The following CFAP92 variants were observed in gnomAD, a reference collection of about 807,000 sequenced individuals.
CFAP92 encodes cilia and flagella associated protein 92 (putative), also known as uncharacterized protein CFAP92.
CFAP92 carries 86 observed loss-of-function variants against 106.3 expected under a neutral mutation model. That is an observed-to-expected ratio of 0.81 (90% CI 0.68 to 0.97). The LOEUF (loss-of-function observed/expected upper bound fraction) is 0.97, where lower values mean the gene tolerates loss of function less well. CFAP92 is among the 50% of genes least tolerant of loss of function. CFAP92 has a pLI of 0.00. For missense variants in CFAP92, 1,204 were observed against 1,283.8 expected (o/e 0.94, Z 0.95); for synonymous variants, 477 against 506.4 (o/e 0.94, Z 0.78).
intron 1 of CFAP92, among the ~76,000 whole-genome samples, chr3:128,999,821 G>T (rs1944637523): frequency 6.6e-6 from 1 of 152,122 alleles, no homozygotes. Context: ...GGGATTACAG[G>T]CGTGAGCCAC....
In CFAP92 at chr3:128,993,280, C is replaced by G. The variant is rs759566229; in HGVS notation, c.25G>C (p.Glu9Gln). The change falls in exon 2 of 16, where the codon GAA becomes CAA. Residue 9 changes from glutamate (E) to glutamine (Q), a missense_variant. Glu to Gln is a conservative substitution (Grantham distance 29). Transcript: ENST00000645291. The part of the protein sequence containing the change: MSLHAWEW[E>Q]EDPASIEPIS... ...GGCTCTATGCTTGCGGGGTCCTCTT[C>G]CCACTCCCAGGCATGTAGCGACATG... 2 of 1,613,700 alleles carry G rather than the reference C, an allele frequency of 1.2e-6. No homozygotes were observed. Among genetic ancestry groups the G allele is most frequent in the Non-Finnish European group, 1.7e-6 (2 of 1,179,828 alleles).
intron 12 of CFAP92, among the ~76,000 whole-genome samples, chr3:128,921,097 G>A (rs940665828): frequency 4.6e-5 from 7 of 152,208 alleles, no homozygotes; most frequent in Middle Eastern, 3.4e-3. Context: ...TACTAGTGTT[G>A]GCCCCCTGGT....
At position 128,945,820 on chromosome 3, in the gene CFAP92, C is replaced by T; in HGVS notation, c.1509G>A (p.Glu503=). 1 of 1,520,800 alleles carries T rather than the reference C, an allele frequency of 6.6e-7. No individual in the cohort carries two copies. Among genetic ancestry groups the T allele is most frequent in the Non-Finnish European group, 8.8e-7 (1 of 1,139,974 alleles). 94.2% of individuals were successfully genotyped at this position (1,520,800 alleles called of 1,614,324 possible). The stretch of plus-strand genomic sequence containing the variant: ...GAACTTCCACCACCATGGGGGGGCC[C>T]TCCAGGTATTCCCTTAGGTCACTGG... ...LHPSDLREYL[E]GPPMVVEVHD... is the part of the protein sequence containing the mutation. Residue 503 remains glutamate (E), a synonymous_variant, in exon 10 of 16, where the codon GAG becomes GAA. Transcript: ENST00000645291.
the CFAP92 span, among the ~76,000 whole-genome samples, chr3:129,019,682 A>G: frequency 6.6e-6 from 1 of 152,136 alleles, no homozygotes; most frequent in Admixed American, 6.6e-5. Flanking sequence ...GCTGTGAGCC[A>G]CAGGTAGCTA....
Position 128,950,344 on chromosome 3 carries a change from C to T in CFAP92, c.1354-4369G>A, listed in dbSNP as rs544972859. On this transcript the variant is annotated intron_variant, in intron 9 of 15. Coordinates refer to ENST00000645291, the MANE Select transcript of CFAP92 (RefSeq NM_001394090.1). ...AGAAGCCCACCGTGCACCCAAAGCT[C>T]GCCTTTTAGGTCTGTGCTCTCTCAG... 1.1e-3 allele frequency among the ~76,000 whole-genome samples: 160 copies of T among 152,322 alleles called. 1 individual carries two copies. The highest frequency in any genetic ancestry group is 3.8e-3 in the African/African-American group (157 of 41,576).
At chr3:128,925,947 A>T (rs954888527) in intron 12 of CFAP92, among the ~76,000 whole-genome samples, 3 of 152,218 alleles carry the variant, frequency 2.0e-5, no homozygotes, top group Non-Finnish European at 4.4e-5. Flanking sequence ...AAAAATACCC[A>T]AAAAATCTAA....
chr3:129,024,661 A>G, the CFAP92 span, among the ~76,000 whole-genome samples: 1 of 152,220 alleles, frequency 6.6e-6, no homozygotes, highest in Non-Finnish European at 1.5e-5. Context: ...AGAAGGTAGA[A>G]GAACAAAAGA....
chr3:129,006,530 G>A (rs369405556), upstream of CFAP92, among the ~76,000 whole-genome samples: 17 of 152,280 alleles, frequency 1.1e-4, no homozygotes, highest in African/African-American at 3.9e-4. Flanking sequence ...TGGCCAGTCT[G>A]GTCTCAAACA....
At chr3:128,967,782 CAG>C (rs1942492830) in intron 8 of CFAP92, 1 of 152,188 alleles carries the variant, frequency 6.6e-6, no homozygotes, top group African/African-American at 2.4e-5. Context: ...CTCAAATCAT[CAG>C]AGTCAGGGAG....
At chr3:129,010,181 G>C in the CFAP92 span, among the ~76,000 whole-genome samples, 1 of 152,358 alleles carries the variant, frequency 6.6e-6, no homozygotes, top group South Asian at 2.1e-4. This position sits in a 1 kb window ranked among gnomAD's most constrained non-coding sequence, Gnocchi z 4.3. Context: ...CTGCCTTGAG[G>C]GGTCCCCCTT....
intron 12 of CFAP92, among the ~76,000 whole-genome samples, chr3:128,924,653 G>T (rs1937538777): frequency 6.6e-6 from 1 of 151,138 alleles, no homozygotes; most frequent in Non-Finnish European, 1.5e-5. Flanking sequence ...CTCCATGTTG[G>T]TCAGGCTAGT....
chr3:128,958,197 A>AT (rs1429770483), intron 9 of CFAP92, among the ~76,000 whole-genome samples: 5 of 152,148 alleles, frequency 3.3e-5, no homozygotes, highest in Non-Finnish European at 5.9e-5. Context: ...TCAACATACC[A>AT]TTTTTTGGAG....
chr3:128,952,444 G>T (rs1940905234), intron 9 of CFAP92, among the ~76,000 whole-genome samples: 1 of 152,048 alleles, frequency 6.6e-6, no homozygotes, highest in South Asian at 2.1e-4. Context: ...ATCCAAGATA[G>T]AATTTTTAAA....
intron 12 of CFAP92, among the ~76,000 whole-genome samples, chr3:128,927,321 A>AAAGG (rs61088802): frequency 0.58 from 87,117 of 150,746 alleles, 27,990 homozygotes; most frequent in African/African-American, 0.87. Context: ...AGGCAGAAGG[A>AAAGG]AAGGAAGGAA....
intron 9 of CFAP92, among the ~76,000 whole-genome samples, chr3:128,947,853 A>G (rs1310858061): frequency 3.9e-5 from 6 of 152,120 alleles, no homozygotes; most frequent in African/African-American, 1.4e-4. Context: ...AAAAAAATTG[A>G]TCGAAGATAT....
At chr3:128,971,157 G>A (rs1049737805) in intron 8 of CFAP92, 130 bp downstream of exon 8, 5 of 1,462,418 alleles carry the variant, frequency 3.4e-6, no homozygotes, top group South Asian at 2.4e-5. Flanking sequence ...ATTCCCCTGA[G>A]TTTCCTGAGG....
chr3:128,945,721 G>A lies in CFAP92; in HGVS notation c.1608C>T (p.Tyr536=), dbSNP rs1940152246. The A allele has an allele frequency of 7.8e-6, 12 of 1,536,052 alleles. No homozygotes were observed. The highest frequency in any genetic ancestry group is 1.0e-5 in the Non-Finnish European group (12 of 1,146,886). ...VLFGEDPLDS[Y]LNFQALISPR... ...GAGAGATGAGGGCCTGGAAGTTGAG[G>A]TATGAATCCAGAGGGTCCTCCCCAA... Residue 536 remains tyrosine, a synonymous_variant, in exon 10 of 16, where the codon TAC becomes TAT. Coordinates refer to ENST00000645291, the MANE Select transcript of CFAP92 (RefSeq NM_001394090.1).
Position 128,951,734 on chromosome 3 carries a change from A to G in CFAP92, c.1354-5759T>C, listed in dbSNP as rs138892262. Reference sequence around the variant, plus strand: ...CAGAACAGCAAACTTTTAGGCAAATAACCTCCCTACCCCAGACACACACCA... The same window carrying G: ...CAGAACAGCAAACTTTTAGGCAAATGACCTCCCTACCCCAGACACACACCA... On this transcript the variant is annotated intron_variant, in intron 9 of 15. Coordinates refer to ENST00000645291, the MANE Select transcript of CFAP92 (RefSeq NM_001394090.1). Among the ~76,000 whole-genome samples the G allele has an allele frequency of 4.6e-5, 7 of 152,290 alleles. No homozygotes were observed. The East Asian group carries it at 1.4e-3, about 29-fold the overall frequency.
At chr3:128,913,535 G>C (rs1329223973) in intron 15 of CFAP92, among the ~76,000 whole-genome samples, 1 of 151,974 alleles carries the variant, frequency 6.6e-6, no homozygotes, top group Non-Finnish European at 1.5e-5. Flanking sequence ...GTGGTCCTTG[G>C]GTGGTCTGGA....
Sources: allele counts gnomAD v4.1 joint callset (sites outside exome capture counted in the v4.1 genomes callset), GRCh38; gene constraint gnomAD v4.1.1; non-coding constraint Gnocchi (gnomAD v3.1); transcripts MANE v1.5; gene names NCBI Gene and HGNC (gene_info 2026-07-23, HGNC 2026-07-21).